The following RCBTB1 variants were observed in gnomAD, a reference collection of about 807,000 sequenced individuals.
The protein encoded by RCBTB1 is RCC1 and BTB domain containing protein 1.
Under a neutral mutation model 62.4 loss-of-function variants are expected in RCBTB1, and 46 were observed. That is an observed-to-expected ratio of 0.74 (90% CI 0.58 to 0.94). The LOEUF (loss-of-function observed/expected upper bound fraction) is 0.94. Among genes scored for constraint, RCBTB1 ranks in the 40% least tolerant of loss-of-function variants. The pLI is 0.00. For synonymous variants in RCBTB1, 222 were observed against 245.8 expected (o/e 0.90, Z 0.91); for missense variants, 565 against 654.9 (o/e 0.86, Z 1.50).
intron 5 of RCBTB1, among the ~76,000 whole-genome samples, chr13:49,556,090 T>G (rs1018983556): frequency 6.6e-6 from 1 of 152,048 alleles, no homozygotes; most frequent in African/African-American, 2.4e-5. Flanking sequence ...CAATAGGAAA[T>G]GCGGTATATG....
chr13:49,564,447 G>A (rs897301167), intron 4 of RCBTB1, among the ~76,000 whole-genome samples: 4 of 151,274 alleles, frequency 2.6e-5, no homozygotes, highest in South Asian at 2.1e-4. Flanking sequence ...TAGCCGGGGC[G>A]TGGTGGCACG....
intron 6 of RCBTB1, among the ~76,000 whole-genome samples, chr13:49,555,135 T>C (rs1463199320): frequency 6.6e-6 from 1 of 152,202 alleles, no homozygotes; most frequent in Admixed American, 6.6e-5. Context: ...GGTAGGTAGT[T>C]CTACAAGGAC....
rs150021611 is a variant in RCBTB1, at chr13:49,570,203, G to A, written c.-41-2883C>T. 3.6e-3 allele frequency among the ~76,000 whole-genome samples: 553 copies of A among 152,220 alleles called. 2 individuals are homozygous for A. Among genetic ancestry groups the A allele is most frequent in the Non-Finnish European group, 6.1e-3 (413 of 68,020 alleles). The stretch of plus-strand genomic sequence containing the variant: ...GACATTCAAAACCACACAACTTCCT[G>A]ACAGCAGCACAATTATTCTAAAATC... On this transcript the variant is annotated intron_variant, in intron 2 of 12. Transcript: ENST00000378302.
At position 49,585,431 on chromosome 13, in the gene RCBTB1, G is replaced by C. The variant is rs1305211872; in HGVS notation, c.-122+13C>G. ...GAGGCCTCCGCGAGCTCGACCCCGC[G>C]CCCACACGCTACCTGCGAGGTCAGC... On this transcript the variant is annotated intron_variant, in intron 1 of 12. Transcript: ENST00000378302. 6.6e-6 allele frequency: 1 copy of C among 152,376 alleles called. No individual in the cohort carries two copies. The highest frequency in any genetic ancestry group is 1.5e-5 in the Non-Finnish European group (1 of 68,202). 9.4% of individuals were successfully genotyped at this position (152,376 alleles called of 1,614,324 possible). A position where few individuals can be genotyped will look rare whatever the true frequency, so the allele number is the denominator to read the frequency against.
chr13:49,551,348 G>A lies in RCBTB1; in HGVS notation c.832C>T (p.His278Tyr), dbSNP rs779795713. The A allele has an allele frequency of 6.2e-7, 1 of 1,614,168 alleles. No individual in the cohort carries two copies. The highest frequency in any genetic ancestry group is 1.1e-5 in the South Asian group (1 of 91,080). The change falls in exon 8 of 13, where the codon CAC (histidine) becomes TAC (tyrosine). Residue 278 changes from histidine to tyrosine, a missense_variant. Transcript: ENST00000378302. ...TACCTTTCTTTCTCCACCATGATGT[G>A]TGCTGGGCTTAGCAGGTTATTTTTA... is the stretch of plus-strand genomic sequence containing the variant. Reference protein sequence around the residue: ...GNKNNLLSPAHIMVEKERVVE... With the variant: ...GNKNNLLSPAYIMVEKERVVE...
At chr13:49,555,428 T>G in intron 6 of RCBTB1, 87 bp downstream of exon 6, 5 of 1,130,872 alleles carry the variant, frequency 4.4e-6, no homozygotes, top group Non-Finnish European at 6.7e-6. Context: ...CTCTTCCTTC[T>G]TCCATCTGAT....
At chr13:49,559,227 A>G (rs1962208315) in intron 5 of RCBTB1, among the ~76,000 whole-genome samples, 1 of 152,248 alleles carries the variant, frequency 6.6e-6, no homozygotes, top group Non-Finnish European at 1.5e-5. Flanking sequence ...AATGAAGAGA[A>G]TCCTATCATA....
intron 12 of RCBTB1, among the ~76,000 whole-genome samples, chr13:49,538,772 C>CACAT (rs1555281514): frequency 1.6e-4 from 24 of 150,854 alleles, no homozygotes; most frequent in East Asian, 3.9e-4. Flanking sequence ...CACACACACA[C>CACAT]ATATATATAT....
chr13:49,537,757 C>G (rs1960046412), intron 12 of RCBTB1: 1 of 152,246 alleles, frequency 6.6e-6, no homozygotes. Flanking sequence ...AATATTTATT[C>G]AGGTCTGTAC....
chr13:49,559,604 A>G (rs7337705), intron 5 of RCBTB1, among the ~76,000 whole-genome samples: 35,465 of 147,922 alleles, frequency 0.24, 5,488 homozygotes, highest in African/African-American at 0.43. Flanking sequence ...TGCAGTGAGC[A>G]GAGATCGTGC....
intron 5 of RCBTB1, among the ~76,000 whole-genome samples, chr13:49,557,606 T>C (rs1215583386): frequency 6.6e-6 from 1 of 152,028 alleles, no homozygotes; most frequent in African/African-American, 2.4e-5. Flanking sequence ...GCAAAGAGCA[T>C]GGGACTCAGC....
Position 49,534,032 on chromosome 13 carries a change from C to T in RCBTB1, c.*90G>A. 7.3e-7 allele frequency: 1 copy of T among 1,368,802 alleles called. No homozygotes were observed. The highest frequency in any genetic ancestry group is 9.9e-7 in the Non-Finnish European group (1 of 1,005,770). 84.8% of individuals were successfully genotyped at this position (1,368,802 alleles called of 1,614,324 possible). ...AAAAAACAACCTGATGGTCTTTTAC[C>T]TGCAGAATCACATCACCCGTAGAGC... On this transcript the variant is annotated 3_prime_UTR_variant, in exon 13 of 13. Transcript: ENST00000378302.
intron 2 of RCBTB1, among the ~76,000 whole-genome samples, chr13:49,579,253 A>G (rs1963954471): frequency 6.6e-6 from 1 of 152,212 alleles, no homozygotes; most frequent in Non-Finnish European, 1.5e-5. Context: ...ATGTGCTGAG[A>G]CACTAATATG....
At position 49,546,871 on chromosome 13, in the gene RCBTB1, G is replaced by A. The variant is rs1247793247; in HGVS notation, c.1046-2008C>T. The A allele has an allele frequency of 2.4e-5, 20 of 817,858 alleles. 1 individual carries two copies. Among genetic ancestry groups the A allele is most frequent in the Non-Finnish European group, 2.8e-5 (19 of 677,350 alleles). The allele number at this position is 817,858 out of a possible 1,614,324, so 50.7% of individuals were successfully genotyped here. ...TGCAACCCAGTTAATAACAGGCCACGGACCAGTACAGGCATATGGCCTGGG... is the reference window on the plus strand; with the variant it reads ...TGCAACCCAGTTAATAACAGGCCACAGACCAGTACAGGCATATGGCCTGGG... On this transcript the variant is annotated intron_variant, in intron 9 of 12. Coordinates refer to ENST00000378302, the MANE Select transcript of RCBTB1 (RefSeq NM_018191.4).
intron 10 of RCBTB1, 130 bp from the exon 11 acceptor site, chr13:49,541,957 T>G: frequency 9.8e-7 from 1 of 1,024,782 alleles, no homozygotes; most frequent in South Asian, 1.7e-5. Context: ...GGCTCATGCC[T>G]GTAATCCCAG....
chr13:49,558,642 C>T (rs1353055950), intron 5 of RCBTB1, among the ~76,000 whole-genome samples: 4 of 136,996 alleles, frequency 2.9e-5, no homozygotes. Flanking sequence ...TGCAGTGGGC[C>T]GAGATTGTAC....
At chr13:49,573,793 T>C (rs1317473272) in intron 2 of RCBTB1, among the ~76,000 whole-genome samples, 1 of 143,150 alleles carries the variant, frequency 7.0e-6, no homozygotes, top group East Asian at 2.1e-4. Context: ...CTCTCTTTTT[T>C]TTTTTTTTGA....
intron 6 of RCBTB1, among the ~76,000 whole-genome samples, chr13:49,554,476 G>C (rs2139197799): frequency 6.6e-6 from 1 of 152,288 alleles, no homozygotes; most frequent in East Asian, 1.9e-4. Flanking sequence ...TAAGGTCTAT[G>C]CATAAACTCT....
At chr13:49,558,658 C>T (rs931735334) in intron 5 of RCBTB1, among the ~76,000 whole-genome samples, 1 of 144,870 alleles carries the variant, frequency 6.9e-6, no homozygotes, top group Admixed American at 7.1e-5. Flanking sequence ...TGTACCATTG[C>T]ACTCCAGCCT....
Sources: allele counts gnomAD v4.1 joint callset (sites outside exome capture counted in the v4.1 genomes callset), GRCh38; gene constraint gnomAD v4.1.1; transcripts MANE v1.5; gene names NCBI Gene and HGNC (gene_info 2026-07-23, HGNC 2026-07-21).